IQCJ: variants seen among roughly 807,000 people sequenced by gnomAD.
IQCJ encodes the protein IQ motif containing J, also known as IQ domain-containing protein J.
Under a neutral mutation model 11.0 loss-of-function variants are expected in IQCJ, and 9 were observed. The ratio of observed to expected loss-of-function variants is 0.82; its 90% confidence interval spans 0.49 to 1.43. The LOEUF is 1.43. Among genes scored for constraint, IQCJ ranks in the 40% most tolerant of loss-of-function variants. The pLI, the probability that IQCJ is intolerant of heterozygous loss-of-function variation, is 0.00. For synonymous variants in IQCJ, 55 were observed against 51.3 expected (o/e 1.07, Z -0.31); for missense variants, 146 against 133.2 (o/e 1.10, Z -0.47).
rs986206847 is a variant in IQCJ, at chr3:159,096,408, G to C, written c.9+26967G>C. 3.6e-4 allele frequency among the ~76,000 whole-genome samples: 52 copies of C among 145,720 alleles called. 1 individual carries two copies. The highest frequency in any genetic ancestry group is 7.5e-5 in the Non-Finnish European group (5 of 66,306). On this transcript the variant is annotated intron_variant, in intron 1 of 3. Transcript: ENST00000397832. The stretch of plus-strand genomic sequence containing the variant: ...GTCAATTTTGTCTTTTGTTGCCATT[G>C]CTTTTGGTGTTTTGGACGTGAAGTC...
intron 1 of IQCJ, among the ~76,000 whole-genome samples, chr3:159,191,315 A>G (rs1485268358): frequency 2.0e-5 from 3 of 152,120 alleles, no homozygotes; most frequent in Non-Finnish European, 4.4e-5. Context: ...GAAGATGAGG[A>G]GGAGGAGGCT....
At chr3:159,175,921 C>T (rs1213657490) in intron 1 of IQCJ, among the ~76,000 whole-genome samples, 1 of 152,198 alleles carries the variant, frequency 6.6e-6, no homozygotes, top group African/African-American at 2.4e-5. Flanking sequence ...TTTTACATTC[C>T]TACCATCAAT....
chr3:159,264,527 G>C (rs1434468755), downstream of IQCJ, among the ~76,000 whole-genome samples: 1 of 152,102 alleles, frequency 6.6e-6, no homozygotes, highest in Admixed American at 6.6e-5. Context: ...TGAATTGGGG[G>C]TGCATCCTGT....
chr3:159,088,443 T>G (rs1008576184), intron 1 of IQCJ, among the ~76,000 whole-genome samples: 3 of 152,236 alleles, frequency 2.0e-5, no homozygotes, highest in Non-Finnish European at 4.4e-5. Context: ...GTCCACTTGG[T>G]GCAGAGCTGA....
At chr3:159,238,256 C>T (rs922484848) in intron 1 of IQCJ, among the ~76,000 whole-genome samples, 3 of 152,124 alleles carry the variant, frequency 2.0e-5, no homozygotes, top group Admixed American at 6.5e-5. Context: ...TCTTCTGCTA[C>T]CCTCTGGGCT....
intron 1 of IQCJ, among the ~76,000 whole-genome samples, chr3:159,212,348 G>A (rs1725003038): frequency 6.6e-6 from 1 of 152,220 alleles, no homozygotes; most frequent in Non-Finnish European, 1.5e-5. Flanking sequence ...CCTCAGTCTT[G>A]TTATCTGTAA....
At chr3:159,198,381 G>C (rs917176417) in intron 1 of IQCJ, among the ~76,000 whole-genome samples, 4 of 151,968 alleles carry the variant, frequency 2.6e-5, no homozygotes, top group African/African-American at 9.7e-5. Context: ...GAATAAATAT[G>C]GTTTTTAGAA....
intron 1 of IQCJ, among the ~76,000 whole-genome samples, chr3:159,215,442 A>G (rs544440976): frequency 1.5e-3 from 234 of 152,224 alleles, no homozygotes; most frequent in African/African-American, 5.5e-3. Context: ...AAGGTGCCAT[A>G]TTTTCCGATA....
At chr3:159,139,929 C>A (rs1489993967) in intron 1 of IQCJ, among the ~76,000 whole-genome samples, 1 of 152,118 alleles carries the variant, frequency 6.6e-6, no homozygotes, top group Admixed American at 6.5e-5. Flanking sequence ...GATCCAAACC[C>A]AGGTCTTCTG....
At chr3:159,231,556 A>G (rs1292979033) in intron 1 of IQCJ, among the ~76,000 whole-genome samples, 2 of 152,148 alleles carry the variant, frequency 1.3e-5, no homozygotes, top group African/African-American at 4.8e-5. Flanking sequence ...GGTTTTTTGC[A>G]TCAATGTTCA....
At chr3:159,162,262 G>T (rs1379100404) in intron 1 of IQCJ, among the ~76,000 whole-genome samples, 1 of 152,124 alleles carries the variant, frequency 6.6e-6, no homozygotes, top group African/African-American at 2.4e-5. Flanking sequence ...TTGTAAGCTG[G>T]ATTCCTAGGT....
chr3:159,219,735 A>G (rs1403532413), intron 1 of IQCJ, among the ~76,000 whole-genome samples: 1 of 152,158 alleles, frequency 6.6e-6, no homozygotes, highest in Non-Finnish European at 1.5e-5. Flanking sequence ...TGGAGGGGCT[A>G]GTCTCATTGG....
At chr3:159,234,634 A>C (rs938949243) in intron 1 of IQCJ, among the ~76,000 whole-genome samples, 5 of 152,184 alleles carry the variant, frequency 3.3e-5, no homozygotes, top group African/African-American at 1.2e-4. Flanking sequence ...TCTCTACAAT[A>C]ATAAAAATAA....
intron 1 of IQCJ, among the ~76,000 whole-genome samples, chr3:159,109,016 T>G (rs528308589): frequency 1.3e-5 from 2 of 152,280 alleles, no homozygotes; most frequent in East Asian, 3.9e-4. Context: ...CTAATTTAAT[T>G]CTTCTAACAA....
intron 1 of IQCJ, among the ~76,000 whole-genome samples, chr3:159,078,520 C>G (rs1456780373): frequency 6.6e-6 from 1 of 150,646 alleles, no homozygotes; most frequent in East Asian, 2.0e-4. Flanking sequence ...CAGAAGGACT[C>G]TTGGCTGTGT....
At chr3:159,164,566 G>A (rs1256723575) in intron 1 of IQCJ, among the ~76,000 whole-genome samples, 2 of 152,134 alleles carry the variant, frequency 1.3e-5, no homozygotes, top group Non-Finnish European at 1.5e-5. Context: ...TCAGGAGTTC[G>A]AGACCAGCCT....
At chr3:159,199,353 G>C (rs1238017878) in intron 1 of IQCJ, among the ~76,000 whole-genome samples, 5 of 152,116 alleles carry the variant, frequency 3.3e-5, no homozygotes, top group African/African-American at 1.2e-4. Flanking sequence ...AAAGTTGGAG[G>C]AAGGGCCCAC....
chr3:159,104,361 C>T (rs567364988), intron 1 of IQCJ, among the ~76,000 whole-genome samples: 1 of 152,274 alleles, frequency 6.6e-6, no homozygotes, highest in South Asian at 2.1e-4. Flanking sequence ...TCCCTCTTCC[C>T]CAAATCACCC....
rs1176347208 is a variant in IQCJ, at chr3:159,222,925, A to T, written c.10-22918A>T. 3.3e-5 allele frequency among the ~76,000 whole-genome samples: 5 copies of T among 152,228 alleles called. No individual in the cohort carries two copies. In the East Asian group the frequency reaches 7.7e-4, roughly 23 times the overall value. ...TAGTAAAGTTATTCAACTCTAAAGA[A>T]AAAGAAAAATAGCCACTAGATACCT... On this transcript the variant is annotated intron_variant, in intron 1 of 3. Transcript: ENST00000397832.
Sources: gnomAD v4.1 joint callset for allele counts (sites outside exome capture counted in the v4.1 genomes callset) on GRCh38, gnomAD v4.1.1 for gene constraint, MANE v1.5 for transcripts, NCBI Gene and HGNC (gene_info 2026-07-23, HGNC 2026-07-21) for gene names.